Variants in GPM6A observed in about 807,000 individuals in gnomAD.
GPM6A encodes the protein glycoprotein M6A, also known as neuronal membrane glycoprotein M6-a.
GPM6A carries 7 observed loss-of-function variants against 32.1 expected under a neutral mutation model. The observed-to-expected ratio is 0.22, with a 90% confidence interval of 0.12 to 0.41. The LOEUF is 0.41. Ranked by LOEUF, GPM6A falls within the 10% of genes least tolerant of loss-of-function variation. GPM6A has a pLI of 1.00. For missense variants in GPM6A, 235 were observed against 347.2 expected (o/e 0.68, Z 2.57); for synonymous variants, 130 against 123.4 (o/e 1.05, Z -0.35).
At chr4:175,978,167 C>T (rs944752103) in intron 1 of GPM6A, among the ~76,000 whole-genome samples, 1 of 152,148 alleles carries the variant, frequency 6.6e-6, no homozygotes, top group Non-Finnish European at 1.5e-5. Context: ...TTAATTGACT[C>T]ACAGTTCCAC....
chr4:175,665,868 A>T (rs1004400585), intron 3 of GPM6A, among the ~76,000 whole-genome samples: 1 of 152,006 alleles, frequency 6.6e-6, no homozygotes, highest in Non-Finnish European at 1.5e-5. Flanking sequence ...GTGAGTACTA[A>T]CAATATAATA....
intron 1 of GPM6A, among the ~76,000 whole-genome samples, chr4:175,706,401 A>G (rs749627286): frequency 3.7e-4 from 56 of 152,332 alleles, no homozygotes; most frequent in Non-Finnish European, 6.2e-4. Context: ...ACCTAAACCA[A>G]TAAGAAAAAG....
At chr4:175,875,198 G>T (rs534566337) in intron 1 of GPM6A, among the ~76,000 whole-genome samples, 2 of 152,216 alleles carry the variant, frequency 1.3e-5, no homozygotes, top group Non-Finnish European at 2.9e-5. Context: ...TTCTGCCGAA[G>T]AATGATTCCC....
At chr4:175,710,982 C>G (rs34851598) in intron 1 of GPM6A, among the ~76,000 whole-genome samples, 25,927 of 151,920 alleles carry the variant, frequency 0.17, 2,832 homozygotes, top group Non-Finnish European at 0.23. Context: ...GAAAACGACC[C>G]AGGCCCTGCT....
Position 175,673,708 on chromosome 4 carries a change from G to C in GPM6A, c.359C>G (p.Thr120Ser). 1.9e-6 allele frequency: 3 copies of C among 1,610,016 alleles called. No individual in the cohort carries two copies. Among genetic ancestry groups the C allele is most frequent in the Non-Finnish European group, 2.5e-6 (3 of 1,177,014 alleles). ...IKDLYGDFKI[T>S]TCGRCVSAWF... ...AGCGCTCACACATCTGCCACAAGTG[G>C]TGATTTTGAAATCCCCATAGAGATC... Residue 120 changes from threonine to serine, a missense_variant, in exon 3 of 7, where the codon ACC becomes AGC. Coordinates refer to ENST00000393658, the MANE Select transcript of GPM6A (RefSeq NM_201591.3).
At chr4:175,936,325 A>C (rs956065112) in intron 1 of GPM6A, among the ~76,000 whole-genome samples, 5 of 150,234 alleles carry the variant, frequency 3.3e-5, no homozygotes, top group Admixed American at 6.6e-5. Context: ...AAAAAAAAAA[A>C]AAAAAAAAAA....
chr4:175,799,671 C>CTTTTCTTTTTTTTTTT (rs1553990617), intron 1 of GPM6A, among the ~76,000 whole-genome samples: 9 of 122,090 alleles, frequency 7.4e-5, no homozygotes, highest in African/African-American at 2.3e-4. Context: ...CAAGTGTTTT[C>CTTTTCTTTTTTTTTTT]TTTTTTTTTT....
rs76850514 is a variant in GPM6A at position 175,670,246 on chromosome 4, A to G, written c.387+3434T>C. On this transcript the variant is annotated intron_variant, in intron 3 of 6. Transcript: ENST00000393658. ...AGAGTTTAGTACATTTGGGAAATCT[A>G]TTACTTCGAAAGTGTTGCATTTAAA... 5.3e-3 allele frequency among the ~76,000 whole-genome samples: 811 copies of G among 152,334 alleles called. 11 individuals carry two copies. Among genetic ancestry groups the G allele is most frequent in the African/African-American group, 0.019 (773 of 41,574 alleles).
intron 1 of GPM6A, among the ~76,000 whole-genome samples, chr4:175,888,223 G>T (rs556865966): frequency 5.0e-4 from 76 of 151,766 alleles, no homozygotes; most frequent in Non-Finnish European, 8.8e-4. Flanking sequence ...ATTGAACAAG[G>T]TATTTGTGCA....
chr4:175,867,803 C>T (rs1297090571), intron 1 of GPM6A, among the ~76,000 whole-genome samples: 2 of 152,182 alleles, frequency 1.3e-5, no homozygotes, highest in South Asian at 2.1e-4. Flanking sequence ...TGAAAGGCTA[C>T]AGCCGATTGA....
chr4:175,866,792 T>G (rs915499978), intron 1 of GPM6A, among the ~76,000 whole-genome samples: 2 of 152,200 alleles, frequency 1.3e-5, no homozygotes, highest in Non-Finnish European at 2.9e-5. Flanking sequence ...GGAGTGTGAC[T>G]GCTGAATCAT....
chr4:175,887,665 G>A (rs1737505769), intron 1 of GPM6A, among the ~76,000 whole-genome samples: 1 of 151,304 alleles, frequency 6.6e-6, no homozygotes, highest in African/African-American at 2.4e-5. Flanking sequence ...GAACAAAGGA[G>A]GAAAGGTAAA....
At chr4:175,795,955 C>G (rs1045920252) in intron 1 of GPM6A, 1 of 152,282 alleles carries the variant, frequency 6.6e-6, no homozygotes, top group African/African-American at 2.4e-5. Flanking sequence ...ATTACTCCCC[C>G]CACCCCAACT....
chr4:175,785,246 C>T (rs1475068097), intron 1 of GPM6A, among the ~76,000 whole-genome samples: 2 of 152,128 alleles, frequency 1.3e-5, no homozygotes, highest in African/African-American at 2.4e-5. Context: ...AATTCTGGCG[C>T]GGAGTCTCAG....
intron 4 of GPM6A, among the ~76,000 whole-genome samples, chr4:175,647,070 A>T (rs1173744124): frequency 6.6e-6 from 1 of 152,214 alleles, no homozygotes; most frequent in Non-Finnish European, 1.5e-5. Context: ...TGAGCAAATA[A>T]ATGAAATGAA....
intron 3 of GPM6A, among the ~76,000 whole-genome samples, chr4:175,668,164 T>C (rs1012688834): frequency 6.6e-6 from 1 of 152,148 alleles, no homozygotes; most frequent in Non-Finnish European, 1.5e-5. Context: ...TATTTATTTC[T>C]TCCTACAATT....
chr4:175,643,634 C>T (rs187727490), intron 4 of GPM6A, among the ~76,000 whole-genome samples: 17 of 152,104 alleles, frequency 1.1e-4, no homozygotes, highest in African/African-American at 4.1e-4. Context: ...GAGACCCCAA[C>T]TCACCGCCCA....
intron 1 of GPM6A, among the ~76,000 whole-genome samples, chr4:175,803,612 T>A (rs1258489579): frequency 1.3e-5 from 2 of 152,046 alleles, no homozygotes; most frequent in African/African-American, 4.8e-5. Context: ...AACCCAAAGA[T>A]AATGGTAGAG....
chr4:175,725,993 C>CTTTT (rs377474451), intron 1 of GPM6A, among the ~76,000 whole-genome samples: 4,685 of 121,872 alleles, frequency 0.038, 195 homozygotes, highest in Non-Finnish European at 0.058. Context: ...CCTGTTTCTT[C>CTTTT]TTTTTTTTTT....
Sources: gnomAD v4.1 joint callset for allele counts (sites outside exome capture counted in the v4.1 genomes callset) on GRCh38, gnomAD v4.1.1 for gene constraint, MANE v1.5 for transcripts, NCBI Gene and HGNC (gene_info 2026-07-23, HGNC 2026-07-21) for gene names.